The following DMD variants were observed in gnomAD, a reference collection of about 807,000 sequenced individuals.
DMD encodes the protein mutant dystrophin.
Under a neutral mutation model 330.1 loss-of-function variants are expected in DMD, and 63 were observed. That is an observed-to-expected ratio of 0.19 (90% CI 0.16 to 0.24). DMD has a LOEUF of 0.24. DMD is among the 10% of genes least tolerant of loss of function. The pLI, the probability that DMD is intolerant of heterozygous loss-of-function variation, is 1.00. For missense variants in DMD, 3,344 were observed against 2,684.1 expected, an observed-to-expected ratio of 1.25 and a Z score of -5.43; for synonymous variants, 1,223 against 959.8, an observed-to-expected ratio of 1.27 and a Z score of -5.07.
At chrX:32,797,620 T>C (rs1180200803) in intron 7 of DMD, among the ~76,000 whole-genome samples, 1 of 112,116 alleles carries the variant, frequency 8.9e-6, no homozygotes, top group Non-Finnish European at 1.9e-5. Context: ...AATATATTTC[T>C]TTAGTCTCAT....
At chrX:33,280,060 G>A (rs1264492977) in intron 1 of DMD, among the ~76,000 whole-genome samples, 1 of 104,684 alleles carries the variant, frequency 9.6e-6, no homozygotes, top group Non-Finnish European at 1.9e-5. Flanking sequence ...TCGACTCACT[G>A]CAACCTCTGC....
chrX:31,916,698 G>A (rs756599604), intron 47 of DMD, among the ~76,000 whole-genome samples: 5 of 111,583 alleles, frequency 4.5e-5, no homozygotes, highest in African/African-American at 1.6e-4. Context: ...TCCTGCCAAC[G>A]CCTCCCACTG....
chrX:32,737,697 A>G (rs767859399), intron 7 of DMD, among the ~76,000 whole-genome samples: 32 of 111,945 alleles, frequency 2.9e-4, no homozygotes, highest in Non-Finnish European at 5.5e-4. Context: ...CTGAACACGC[A>G]ATAAGGTGTA....
At chrX:31,167,433 A>G (rs2039533137) in intron 74 of DMD, among the ~76,000 whole-genome samples, 1 of 112,138 alleles carries the variant, frequency 8.9e-6, no homozygotes, top group South Asian at 3.7e-4. Flanking sequence ...GTACGGAGAA[A>G]GACTATGCTA....
chrX:32,589,794 A>C (rs1315808390), intron 13 of DMD, among the ~76,000 whole-genome samples: 1 of 111,753 alleles, frequency 8.9e-6, no homozygotes, highest in Non-Finnish European at 1.9e-5. Context: ...CTTCTAAGTT[A>C]ATATGGGAGC....
At chrX:32,255,579 T>C (rs936648561) in intron 43 of DMD, among the ~76,000 whole-genome samples, 2 of 112,080 alleles carry the variant, frequency 1.8e-5, no homozygotes, top group Non-Finnish European at 3.8e-5. Context: ...AATTCCTTGG[T>C]TTCACATGAA....
intron 47 of DMD, among the ~76,000 whole-genome samples, chrX:31,923,794 T>C (rs2094728191): frequency 1.8e-5 from 2 of 111,125 alleles, no homozygotes; most frequent in Non-Finnish European, 3.8e-5. Flanking sequence ...GACGGAGTTT[T>C]GCCATGTTGG....
At chrX:32,882,028 T>G (rs1385529567) in intron 2 of DMD, among the ~76,000 whole-genome samples, 1 of 112,286 alleles carries the variant, frequency 8.9e-6, no homozygotes, top group East Asian at 2.8e-4. Flanking sequence ...CAGCACTTTT[T>G]AGTAACAAGC....
At chrX:32,809,381 T>C (rs767325486) in intron 7 of DMD, 112 bp downstream of exon 7, 27 of 621,831 alleles carry the variant, frequency 4.3e-5, no homozygotes, top group South Asian at 3.7e-4. Flanking sequence ...ATCTACAGTA[T>C]TGGAAAACTT....
chrX:32,907,475 G>A (rs6628750), intron 2 of DMD, among the ~76,000 whole-genome samples: 1 of 111,443 alleles, frequency 9.0e-6, no homozygotes, highest in East Asian at 2.8e-4. Context: ...ACAGTTCTAC[G>A]AGGAAATAAG....
chrX:32,658,688 C>G (rs912331805), intron 9 of DMD, among the ~76,000 whole-genome samples: 1 of 110,984 alleles, frequency 9.0e-6, no homozygotes, highest in Admixed American at 9.7e-5. Flanking sequence ...CTTTCCCACT[C>G]TATTGCATGT....
intron 11 of DMD, among the ~76,000 whole-genome samples, chrX:32,615,647 A>C (rs2057504629): frequency 9.0e-6 from 1 of 111,595 alleles, no homozygotes; most frequent in Non-Finnish European, 1.9e-5. Flanking sequence ...CTTTACTGGA[A>C]GTTTCCATTA....
At chrX:33,116,319 T>C (rs1223159825) in intron 1 of DMD, among the ~76,000 whole-genome samples, 1 of 110,579 alleles carries the variant, frequency 9.0e-6, no homozygotes, top group Non-Finnish European at 1.9e-5. Context: ...GAGATCAGCC[T>C]GAGTGATAAG....
intron 11 of DMD, among the ~76,000 whole-genome samples, chrX:32,641,746 A>G (rs2059477699): frequency 1.8e-5 from 2 of 111,050 alleles, no homozygotes; most frequent in African/African-American, 6.5e-5. Context: ...TAATCGCTAA[A>G]CCAAGGCTTA....
intron 67 of DMD, among the ~76,000 whole-genome samples, chrX:31,188,224 C>T (rs1246902784): frequency 9.0e-6 from 1 of 111,537 alleles, no homozygotes; most frequent in African/African-American, 3.3e-5. Flanking sequence ...TACTCTGTAT[C>T]CTAGTGGTAT....
intron 12 of DMD, among the ~76,000 whole-genome samples, chrX:32,602,818 G>T (rs1311688988): frequency 9.0e-6 from 1 of 110,987 alleles, no homozygotes; most frequent in Non-Finnish European, 1.9e-5. Flanking sequence ...TCACTTCTCT[G>T]CAACTGCTCT....
intron 17 of DMD, among the ~76,000 whole-genome samples, chrX:32,519,246 CACTT>C (rs1297078206): frequency 2.2e-5 from 2 of 90,170 alleles, no homozygotes; most frequent in African/African-American, 4.2e-5. Flanking sequence ...CACATGATCT[CACTT>C]ACAAGTGGAA....
intron 44 of DMD, among the ~76,000 whole-genome samples, chrX:32,180,685 T>C (rs1219643088): frequency 9.0e-6 from 1 of 111,569 alleles, no homozygotes; most frequent in Non-Finnish European, 1.9e-5. Context: ...CAGTTCAGCA[T>C]GGCTGGGGAG....
At chrX:31,952,940 AAAC>A (rs1281277945) in intron 45 of DMD, among the ~76,000 whole-genome samples, 1 of 112,249 alleles carries the variant, frequency 8.9e-6, no homozygotes. Context: ...TTTCTCTGTC[AAAC>A]AACAGAAACA....
Sources: allele counts gnomAD v4.1 joint callset (sites outside exome capture counted in the v4.1 genomes callset), GRCh38; gene constraint gnomAD v4.1.1; transcripts MANE v1.5; gene names NCBI Gene and HGNC (gene_info 2026-07-23, HGNC 2026-07-21).